Variants in EPB41L5 observed in about 807,000 individuals in gnomAD.
The protein encoded by EPB41L5 is erythrocyte membrane protein band 4.1 like 5, also known as band 4.1-like protein 5.
Under a neutral mutation model 106.6 loss-of-function variants are expected in EPB41L5, and 55 were observed. The ratio of observed to expected loss-of-function variants is 0.52; its 90% confidence interval spans 0.42 to 0.65. The LOEUF is 0.65. Among genes scored for constraint, EPB41L5 ranks in the 30% least tolerant of loss-of-function variants. EPB41L5 has a pLI of 0.00. For missense variants in EPB41L5, 871 were observed against 882.1 expected (o/e 0.99, Z 0.16); for synonymous variants, 297 against 306.7 (o/e 0.97, Z 0.33).
At chr2:120,024,280 T>C (rs1261380851) in intron 2 of EPB41L5, among the ~76,000 whole-genome samples, 2 of 152,148 alleles carry the variant, frequency 1.3e-5, no homozygotes, top group South Asian at 2.1e-4. Context: ...ATGCTTCCAG[T>C]TTTTGCCCAT....
At chr2:120,095,752 TCCGCCTC>T (rs79619879) in intron 14 of EPB41L5, among the ~76,000 whole-genome samples, 354 of 152,230 alleles carry the variant, frequency 2.3e-3, no homozygotes, top group Non-Finnish European at 4.2e-3. Context: ...CACTGCAACC[TCCGCCTC>T]CCAGGTTCAA....
Position 120,168,005 on chromosome 2 carries a change from C to A in EPB41L5, c.2133C>A (p.Thr711=), listed in dbSNP as rs1428423057. The change falls in exon 24 of 25, where the codon ACC becomes ACA. Residue 711 remains threonine, a splice_region_variant and synonymous_variant. Coordinates refer to ENST00000263713, the MANE Select transcript of EPB41L5 (RefSeq NM_020909.4). Reference sequence around the variant, plus strand: ...CGCCATTCTTGGTAGATGCTGTGACCAGGTGAGAAAATTATTTCTCATTTG... The same window carrying A: ...CGCCATTCTTGGTAGATGCTGTGACAAGGTGAGAAAATTATTTCTCATTTG... ...PPAPFLVDAV[T]SSGPILAEEA... is the part of the protein sequence containing the mutation. 6.2e-7 allele frequency: 1 copy of A among 1,613,858 alleles called. No individual in the cohort carries two copies. The highest frequency in any genetic ancestry group is 2.2e-5 in the East Asian group (1 of 44,874).
At chr2:120,154,039 A>T (rs1686793589) in intron 20 of EPB41L5, among the ~76,000 whole-genome samples, 1 of 149,868 alleles carries the variant, frequency 6.7e-6, no homozygotes, top group African/African-American at 2.4e-5. Context: ...TGTTTTCTGT[A>T]TGTCTTTTGT....
At chr2:120,100,422 G>A (rs57189897) in intron 15 of EPB41L5, 136 bp downstream of exon 15, 2 of 845,722 alleles carry the variant, frequency 2.4e-6, no homozygotes, top group East Asian at 2.6e-5. Context: ...TTTCCCTTAA[G>A]TGGTTCAGTA....
intron 12 of EPB41L5, 131 bp from the exon 13 acceptor site, chr2:120,091,424 T>C (rs1291001510): frequency 8.0e-6 from 5 of 628,446 alleles, no homozygotes; most frequent in African/African-American, 1.8e-5. Flanking sequence ...TCGAGACTAT[T>C]AGTAGCTGTT....
At chr2:120,146,381 G>A in intron 20 of EPB41L5, 92 bp downstream of exon 20, 1 of 905,720 alleles carries the variant, frequency 1.1e-6, no homozygotes. Context: ...GTTTCAGGAT[G>A]TCTGTCTGAA....
In EPB41L5 at chr2:120,175,108, G is replaced by T. The variant is rs1687875787; in HGVS notation, c.*201G>T. 1.7e-6 allele frequency: 1 copy of T among 577,824 alleles called. No individual in the cohort carries two copies. The highest frequency in any genetic ancestry group is 1.9e-5 in the African/African-American group (1 of 53,916). The allele number at this position is 577,824 out of a possible 1,614,324, so 35.8% of individuals were successfully genotyped here. On this transcript the variant is annotated 3_prime_UTR_variant, in exon 25 of 25. Coordinates refer to ENST00000263713, the MANE Select transcript of EPB41L5 (RefSeq NM_020909.4). ...AATCACACTGCATAGCTGCCCAAAA[G>T]AGAGTGTTTGGTCTTGAACTTTCTA...
At chr2:120,064,570 A>C (rs1258097989) in intron 3 of EPB41L5, among the ~76,000 whole-genome samples, 1 of 152,198 alleles carries the variant, frequency 6.6e-6, no homozygotes, top group Non-Finnish European at 1.5e-5. Flanking sequence ...TTTAAGATAC[A>C]AGTAGATAAT....
intron 17 of EPB41L5, 190 bp downstream of exon 17, chr2:120,128,041 C>T (rs918897377): frequency 7.0e-6 from 3 of 427,922 alleles, no homozygotes; most frequent in African/African-American, 6.0e-5. Context: ...TAATTGAGGT[C>T]ATTAAACTTG....
intron 16 of EPB41L5, among the ~76,000 whole-genome samples, chr2:120,125,985 C>T (rs1178288306): frequency 1.3e-5 from 2 of 152,082 alleles, no homozygotes; most frequent in African/African-American, 2.4e-5. Flanking sequence ...GATGCATCAC[C>T]CTGATATCTG....
Position 120,025,414 on chromosome 2 carries a change from C to T in EPB41L5, c.180+6150C>T, listed in dbSNP as rs139335507. ...TTCCATTTGCTTGGTAAATGTTCCT[C>T]CATCCCTTTATTTTGAGCCTATGTG... On this transcript the variant is annotated intron_variant, in intron 2 of 24. Transcript: ENST00000263713. Among the ~76,000 whole-genome samples, 661 of 152,028 alleles carry T rather than the reference C, an allele frequency of 4.3e-3. 5 individuals carry two copies. The highest frequency in any genetic ancestry group is 0.015 in the African/African-American group (640 of 41,456).
In EPB41L5 at chr2:120,090,366, C is replaced by T. The variant is rs1176126796; in HGVS notation, c.893C>T (p.Thr298Ile). ...TTTCAGGGCAAAGAACAGGAACATA[C>T]ATTTGTCTTTAGACTGGATCATCCA... The part of the protein sequence containing the change: ...DDDQGKEQEH[T>I]FVFRLDHPKA... The change falls in exon 12 of 25, where the codon ACA becomes ATA. Residue 298 changes from threonine (T) to isoleucine (I), a missense_variant. Thr to Ile is a moderately conservative substitution (Grantham distance 89, BLOSUM62 -1). Coordinates refer to ENST00000263713, the MANE Select transcript of EPB41L5 (RefSeq NM_020909.4). 1.2e-6 allele frequency: 2 copies of T among 1,608,116 alleles called. No homozygotes were observed. Among genetic ancestry groups the T allele is most frequent in the South Asian group, 2.2e-5 (2 of 89,574 alleles).
intron 20 of EPB41L5, among the ~76,000 whole-genome samples, chr2:120,159,573 CAAAA>C (rs1169016103): frequency 6.6e-6 from 1 of 151,396 alleles, no homozygotes; most frequent in African/African-American, 2.4e-5. Flanking sequence ...CATATGGAAC[CAAAA>C]AAAAGCCCAA....
At chr2:120,035,361 A>T (rs569887045) in intron 2 of EPB41L5, among the ~76,000 whole-genome samples, 1 of 152,262 alleles carries the variant, frequency 6.6e-6, no homozygotes, top group African/African-American at 2.4e-5. Flanking sequence ...GGCTTCCCAA[A>T]GTGCTGGGAT....
intron 13 of EPB41L5, among the ~76,000 whole-genome samples, chr2:120,091,906 TA>T (rs1177941417): frequency 6.6e-6 from 1 of 152,232 alleles, no homozygotes; most frequent in Non-Finnish European, 1.5e-5. Context: ...TCAGTTTTTG[TA>T]TACAAAACTG....
chr2:120,163,721 A>G (rs1687248751), intron 21 of EPB41L5, among the ~76,000 whole-genome samples: 1 of 151,344 alleles, frequency 6.6e-6, no homozygotes, highest in Non-Finnish European at 1.5e-5. Context: ...TTGGGAGGCC[A>G]GGGTAGGAGG....
intron 2 of EPB41L5, among the ~76,000 whole-genome samples, chr2:120,036,523 C>T (rs537284153): frequency 6.6e-6 from 1 of 152,178 alleles, no homozygotes; most frequent in Admixed American, 6.6e-5. Context: ...AGCGCAAGCA[C>T]CTCAAAAGGC....
intron 2 of EPB41L5, among the ~76,000 whole-genome samples, chr2:120,021,814 C>T (rs943323408): frequency 1.3e-5 from 2 of 151,838 alleles, no homozygotes; most frequent in African/African-American, 4.8e-5. Flanking sequence ...AATGATTTCC[C>T]CTTTTCAGAT....
chr2:120,092,159 G>C (rs916124809), intron 13 of EPB41L5, among the ~76,000 whole-genome samples: 1 of 152,078 alleles, frequency 6.6e-6, no homozygotes, highest in South Asian at 2.1e-4. Flanking sequence ...CACCTGAGTA[G>C]CTGGGATTAC....
Sources: allele counts gnomAD v4.1 joint callset (sites outside exome capture counted in the v4.1 genomes callset), GRCh38; gene constraint gnomAD v4.1.1; transcripts MANE v1.5; gene names NCBI Gene and HGNC (gene_info 2026-07-23, HGNC 2026-07-21).